Variants in ANK2 observed in about 807,000 individuals in gnomAD.
ANK2 encodes ankyrin-2.
A neutral mutation model predicts 360.5 loss-of-function variants in ANK2; 83 were observed. The observed-to-expected ratio is 0.23, with a 90% CI of 0.19 to 0.28. ANK2 has a LOEUF of 0.28. Ranked by LOEUF, ANK2 falls within the 10% of genes least tolerant of loss-of-function variation. The pLI is 1.00. For synonymous variants in ANK2, 1,740 were observed against 1,759.5 expected, an observed-to-expected ratio of 0.99 and a Z score of 0.28; for missense variants, 4,201 against 4,795.7, an observed-to-expected ratio of 0.88 and a Z score of 3.66.
At chr4:113,301,295 G>C (rs1360219215) in intron 22 of ANK2, among the ~76,000 whole-genome samples, 1 of 151,414 alleles carries the variant, frequency 6.6e-6, no homozygotes. Flanking sequence ...TTATGTTTTT[G>C]GGGTACACAT....
At position 113,344,665 on chromosome 4, in the gene ANK2, C is replaced by T. The variant is rs545640876; in HGVS notation, c.4249-1235C>T. On this transcript the variant is annotated intron_variant, in intron 34 of 45. Transcript: ENST00000357077. ...AGTCCAAAGGTCCACAAACAAAATG[C>T]GGTATACACATGCAATGGAATACTA... 1.1e-4 allele frequency among the ~76,000 whole-genome samples: 17 copies of T among 152,042 alleles called. No individual in the cohort carries two copies. The South Asian group carries it at 1.2e-3, about 11-fold the overall frequency.
chr4:113,014,606 A>G (rs1282353391), intron 2 of ANK2, among the ~76,000 whole-genome samples: 1 of 152,146 alleles, frequency 6.6e-6, no homozygotes, highest in Non-Finnish European at 1.5e-5. Flanking sequence ...TTCACGGCCT[A>G]TGATTTCATC....
the ANK2 span, among the ~76,000 whole-genome samples, chr4:112,810,172 T>A: frequency 8.1e-5 from 10 of 123,702 alleles, no homozygotes; most frequent in African/African-American, 2.9e-4. Flanking sequence ...TTTTTTTTTT[T>A]TTTTTTTTTT....
chr4:112,711,822 A>AAAAAT, the ANK2 span, among the ~76,000 whole-genome samples: 2 of 151,380 alleles, frequency 1.3e-5, no homozygotes, highest in African/African-American at 4.9e-5. Context: ...TCTGTCTCAA[A>AAAAAT]AAAATAAAAT....
At chr4:112,992,713 A>G (rs561900395) in intron 2 of ANK2, among the ~76,000 whole-genome samples, 1 of 152,282 alleles carries the variant, frequency 6.6e-6, no homozygotes, top group East Asian at 1.9e-4. Flanking sequence ...TCTCATCAAG[A>G]GGGCTCCACC....
At chr4:113,125,575 C>T (rs1029731533) in intron 1 of ANK2, among the ~76,000 whole-genome samples, 3 of 152,132 alleles carry the variant, frequency 2.0e-5, no homozygotes, top group African/African-American at 7.2e-5. Context: ...CTTGGGTAAA[C>T]AAATGACCTC....
intron 9 of ANK2, among the ~76,000 whole-genome samples, chr4:113,242,968 GT>G (rs2040795756): frequency 6.6e-6 from 1 of 152,112 alleles, no homozygotes; most frequent in Admixed American, 6.5e-5. Flanking sequence ...ACTTCATAAA[GT>G]TGTGTGAGAA....
chr4:112,959,187 C>T (rs570523270), intron 2 of ANK2, among the ~76,000 whole-genome samples: 2 of 152,136 alleles, frequency 1.3e-5, no homozygotes, highest in East Asian at 3.9e-4. Context: ...TGGGTAGTGG[C>T]ATAAAGTCTG....
chr4:113,323,022 T>C (rs10003988), intron 26 of ANK2, among the ~76,000 whole-genome samples: 14,694 of 152,146 alleles, frequency 0.097, 1,824 homozygotes, highest in African/African-American at 0.29. Context: ...ATGTATACTT[T>C]TGTATGTCAT....
intron 2 of ANK2, among the ~76,000 whole-genome samples, chr4:112,987,495 G>A (rs972589964): frequency 1.7e-4 from 26 of 152,102 alleles, no homozygotes; most frequent in African/African-American, 4.8e-4. Flanking sequence ...CACAGGTGGC[G>A]GGTGACAAGT....
At chr4:112,730,263 A>G in the ANK2 span, among the ~76,000 whole-genome samples, 1 of 150,224 alleles carries the variant, frequency 6.7e-6, no homozygotes, top group Non-Finnish European at 1.5e-5. Flanking sequence ...AAAAAAAAAA[A>G]AAAAAAAAAA....
intron 2 of ANK2, among the ~76,000 whole-genome samples, chr4:113,016,508 C>T (rs1456627071): frequency 1.3e-5 from 2 of 152,124 alleles, no homozygotes; most frequent in Admixed American, 6.5e-5. Context: ...TCCAGGGATG[C>T]TCTTCTCTAG....
At chr4:112,761,747 T>A in the ANK2 span, among the ~76,000 whole-genome samples, 1 of 152,270 alleles carries the variant, frequency 6.6e-6, no homozygotes, top group Non-Finnish European at 1.5e-5. Flanking sequence ...CTTCCTCTAC[T>A]ATACTTCTTC....
chr4:113,255,585 A>G, intron 10 of ANK2, 150 bp from the exon 11 acceptor site: 1 of 740,780 alleles, frequency 1.3e-6, no homozygotes, highest in Non-Finnish European at 2.2e-6. Context: ...TGCGAAATAT[A>G]GTCTGCTGTA....
the ANK2 span, among the ~76,000 whole-genome samples, chr4:112,772,179 C>G: frequency 1.3e-5 from 2 of 152,142 alleles, no homozygotes; most frequent in Non-Finnish European, 2.9e-5. Flanking sequence ...TTAATGGACT[C>G]ACATCACAGT....
chr4:112,976,198 A>ATTT (rs568340736), intron 2 of ANK2, among the ~76,000 whole-genome samples: 9,931 of 144,394 alleles, frequency 0.069, 476 homozygotes, highest in African/African-American at 0.14. Context: ...TGGCTGTGGA[A>ATTT]TTTTTTTTTT....
At chr4:112,862,736 T>G (rs1433459866) in intron 1 of ANK2, among the ~76,000 whole-genome samples, 1 of 152,188 alleles carries the variant, frequency 6.6e-6, no homozygotes, top group Non-Finnish European at 1.5e-5. Context: ...AAAACATTTT[T>G]AAGGCATGAG....
At chr4:112,849,823 C>T (rs1334099751) in intron 1 of ANK2, among the ~76,000 whole-genome samples, 1 of 152,130 alleles carries the variant, frequency 6.6e-6, no homozygotes, top group Admixed American at 6.5e-5. Context: ...AGTTGGTGAA[C>T]ATTATTTCTG....
chr4:112,822,100 A>T (rs2057229059), intron 1 of ANK2, among the ~76,000 whole-genome samples: 1 of 152,150 alleles, frequency 6.6e-6, no homozygotes, highest in African/African-American at 2.4e-5. Flanking sequence ...TCATGGTGAC[A>T]TATTTAAAAA....
Sources: allele counts gnomAD v4.1 joint callset (sites outside exome capture counted in the v4.1 genomes callset), GRCh38; gene constraint gnomAD v4.1.1; transcripts MANE v1.5; gene names NCBI Gene and HGNC (gene_info 2026-07-23, HGNC 2026-07-21).